EYS: variants seen among roughly 807,000 people sequenced by gnomAD.
EYS encodes EGF-like photoreceptor maintenance factor.
A neutral mutation model predicts 282.1 loss-of-function variants in EYS; 250 were observed. The observed-to-expected ratio is 0.89, with a 90% confidence interval of 0.80 to 0.98. EYS has a LOEUF of 0.98. Among genes scored for constraint, EYS ranks in the 50% least tolerant of loss-of-function variants. The pLI is 0.00. For missense variants in EYS, 4,016 were observed against 3,709.0 expected (o/e 1.08, Z -2.15); for synonymous variants, 1,355 against 1,282.9 (o/e 1.06, Z -1.20).
chr6:65,004,426 C>G (rs901088873), intron 13 of EYS, among the ~76,000 whole-genome samples: 3 of 147,554 alleles, frequency 2.0e-5, no homozygotes, highest in African/African-American at 7.3e-5. Context: ...ATGGTCTGCT[C>G]TACAATAATT....
intron 22 of EYS, among the ~76,000 whole-genome samples, chr6:64,743,294 T>C (rs1772437227): frequency 6.6e-6 from 1 of 152,100 alleles, no homozygotes; most frequent in South Asian, 2.1e-4. Flanking sequence ...AAATATGACA[T>C]GTGTAGGTGA....
At chr6:65,031,158 TACAC>T (rs199536494) in intron 13 of EYS, among the ~76,000 whole-genome samples, 2 of 142,000 alleles carry the variant, frequency 1.4e-5, no homozygotes, top group Admixed American at 6.9e-5. Context: ...TATATATATA[TACAC>T]ACACACGCAC....
chr6:64,120,528 G>T (rs1043120089), intron 31 of EYS, among the ~76,000 whole-genome samples: 1 of 151,820 alleles, frequency 6.6e-6, no homozygotes, highest in African/African-American at 2.4e-5. Context: ...AAAGAAAAAG[G>T]TAACAGATCA....
At chr6:63,888,496 C>A (rs976055035) in intron 35 of EYS, among the ~76,000 whole-genome samples, 10 of 152,198 alleles carry the variant, frequency 6.6e-5, no homozygotes, top group Admixed American at 5.2e-4. Flanking sequence ...CCCAGGGAAA[C>A]AAGGTCTGGA....
chr6:65,405,791 A>G (rs967592949), intron 5 of EYS, among the ~76,000 whole-genome samples: 1 of 152,098 alleles, frequency 6.6e-6, no homozygotes, highest in African/African-American at 2.4e-5. Context: ...ATATTGCTAA[A>G]GAGTAATTCA....
intron 16 of EYS, among the ~76,000 whole-genome samples, chr6:64,910,355 T>C (rs1056480646): frequency 6.6e-6 from 1 of 152,170 alleles, no homozygotes; most frequent in East Asian, 1.9e-4. Context: ...AGGTGGTTTT[T>C]AAAAGCAATG....
intron 41 of EYS, among the ~76,000 whole-genome samples, chr6:63,760,841 T>C (rs189810132): frequency 1.3e-5 from 2 of 152,080 alleles, no homozygotes; most frequent in East Asian, 3.9e-4. Flanking sequence ...GCATCAAAAC[T>C]GTGGCTTGCC....
intron 29 of EYS, among the ~76,000 whole-genome samples, chr6:64,342,631 T>C (rs1339199303): frequency 1.3e-5 from 2 of 151,942 alleles, no homozygotes. Context: ...GTAAAGACCA[T>C]AAAGGCTAGG....
At chr6:65,064,245 A>C (rs9718143) in intron 12 of EYS, among the ~76,000 whole-genome samples, 1 of 130,082 alleles carries the variant, frequency 7.7e-6, no homozygotes, top group Non-Finnish European at 1.5e-5. Context: ...TATATGATAT[A>C]TATGATATAT....
intron 2 of EYS, among the ~76,000 whole-genome samples, chr6:65,529,158 G>A (rs541775200): frequency 1.3e-5 from 2 of 152,084 alleles, no homozygotes; most frequent in Non-Finnish European, 2.9e-5. Flanking sequence ...AAATAGTATG[G>A]GATCTTGGCA....
chr6:64,765,367 T>C (rs879684622), intron 22 of EYS, among the ~76,000 whole-genome samples: 9 of 152,168 alleles, frequency 5.9e-5, no homozygotes, highest in Non-Finnish European at 1.0e-4. Flanking sequence ...GCCACAAGAC[T>C]CTAGGAAGTT....
At chr6:64,333,867 T>C (rs1420912345) in intron 29 of EYS, among the ~76,000 whole-genome samples, 1 of 152,210 alleles carries the variant, frequency 6.6e-6, no homozygotes, top group Non-Finnish European at 1.5e-5. Context: ...AGTTACTTCA[T>C]GTTATGTATG....
rs996148477 is a variant in EYS, at chr6:64,074,082, A to AT, written c.6572-7592dup. On this transcript the variant is annotated intron_variant, in intron 32 of 42. Transcript: ENST00000503581. ...AAGTTTTAAAATGAATCATTTATTG[A>AT]TTTTTTTTCTGAATGTTTTATCCAG... Among the ~76,000 whole-genome samples the AT allele has an allele frequency of 5.3e-5, 8 of 151,286 alleles. No homozygotes were observed. In the East Asian group the frequency reaches 5.8e-4, roughly 11 times the overall value.
In EYS at chr6:65,405,386, A is replaced by AAC; in HGVS notation, c.863-20_863-19insGT. The AAC allele has an allele frequency of 2.0e-6, 3 of 1,527,070 alleles. No individual in the cohort carries two copies. Among genetic ancestry groups the AAC allele is most frequent in the Non-Finnish European group, 1.8e-6 (2 of 1,123,518 alleles). 94.6% of individuals were successfully genotyped at this position (1,527,070 alleles called of 1,614,324 possible). A position where few individuals can be genotyped will look rare whatever the true frequency, so the allele number is the denominator to read the frequency against. ...AATGGACCTTAAAAAAATCACACACAAGAAAAAAAAAGAAAAGGAAGGAAG... is the reference window on the plus strand; with the variant it reads ...AATGGACCTTAAAAAAATCACACACAACAGAAAAAAAAAGAAAAGGAAGGAAG... On this transcript the variant is annotated intron_variant, in intron 5 of 42. Transcript: ENST00000503581.
At chr6:65,270,917 C>T (rs867691152) in intron 12 of EYS, among the ~76,000 whole-genome samples, 15 of 151,522 alleles carry the variant, frequency 9.9e-5, no homozygotes, top group African/African-American at 3.4e-4. Context: ...CTTTCTCTAC[C>T]TCTCTTCTCT....
intron 11 of EYS, among the ~76,000 whole-genome samples, chr6:65,301,160 A>T (rs1195113977): frequency 6.6e-6 from 1 of 152,074 alleles, no homozygotes; most frequent in Non-Finnish European, 1.5e-5. Flanking sequence ...ATTTTAAATA[A>T]TTTTTGTTAG....
At chr6:63,816,349 A>G (rs921195239) in intron 36 of EYS, among the ~76,000 whole-genome samples, 1 of 152,202 alleles carries the variant, frequency 6.6e-6, no homozygotes, top group African/African-American at 2.4e-5. Context: ...CAGAAAACAT[A>G]ATGAAATAAA....
At chr6:65,640,372 G>A (rs1767234428) in intron 1 of EYS, among the ~76,000 whole-genome samples, 4 of 152,122 alleles carry the variant, frequency 2.6e-5, no homozygotes, top group Non-Finnish European at 4.4e-5. Context: ...TGGTTTTCAT[G>A]AGAGTATCTC....
intron 22 of EYS, among the ~76,000 whole-genome samples, chr6:64,698,964 C>A (rs930443946): frequency 6.6e-6 from 1 of 152,078 alleles, no homozygotes; most frequent in African/African-American, 2.4e-5. Flanking sequence ...CCCAGCAGTC[C>A]CATTATTAGG....
Sources: gnomAD v4.1 joint callset for allele counts (sites outside exome capture counted in the v4.1 genomes callset) on GRCh38, gnomAD v4.1.1 for gene constraint, MANE v1.5 for transcripts, NCBI Gene and HGNC (gene_info 2026-07-23, HGNC 2026-07-21) for gene names.